The following LUZP2 variants were observed in gnomAD, a reference collection of about 807,000 sequenced individuals.
The protein encoded by LUZP2 is leucine zipper protein 2.
Under a neutral mutation model 51.6 loss-of-function variants are expected in LUZP2, and 52 were observed. That is an observed-to-expected ratio of 1.01 (90% CI 0.81 to 1.27). LUZP2 has a LOEUF of 1.27. Ranked by LOEUF, LUZP2 falls within the 50% of genes most tolerant of loss-of-function variation. The pLI is 0.00. For missense variants in LUZP2, 436 were observed against 395.4 expected (o/e 1.10, Z -0.87); for synonymous variants, 154 against 137.3 (o/e 1.12, Z -0.85).
intron 4 of LUZP2, among the ~76,000 whole-genome samples, chr11:24,739,883 G>A (rs1024444075): frequency 1.3e-5 from 2 of 152,028 alleles, no homozygotes; most frequent in Non-Finnish European, 2.9e-5. Context: ...GCTATGCCAC[G>A]GCAACTCTCA....
chr11:25,074,290 A>G (rs1859239172), intron 10 of LUZP2, among the ~76,000 whole-genome samples: 1 of 152,166 alleles, frequency 6.6e-6, no homozygotes, highest in South Asian at 2.1e-4. Context: ...TCAGTATAGT[A>G]ATGTGGCCTT....
Position 24,968,445 on chromosome 11 carries a change from A to G in LUZP2, c.523-8146A>G, listed in dbSNP as rs1313646712. 2.0e-5 allele frequency among the ~76,000 whole-genome samples: 3 copies of G among 152,168 alleles called. No homozygotes were observed. In the East Asian group the frequency reaches 5.8e-4, roughly 29 times the overall value. ...GCCAACAACTCTTTAGTGCTTAGCT[A>G]TTAATCTAAAGACTGCTGTTTTGAT... On this transcript the variant is annotated intron_variant, in intron 7 of 11. Transcript: ENST00000336930.
At chr11:24,551,767 C>A (rs1851731211) in intron 1 of LUZP2, among the ~76,000 whole-genome samples, 1 of 151,866 alleles carries the variant, frequency 6.6e-6, no homozygotes, top group African/African-American at 2.4e-5. Context: ...ATAGTAACAA[C>A]AAAATAGGCT....
chr11:24,563,088 T>A (rs988562933), intron 1 of LUZP2, among the ~76,000 whole-genome samples: 2 of 152,142 alleles, frequency 1.3e-5, no homozygotes, highest in Non-Finnish European at 2.9e-5. Flanking sequence ...AAAAGTGAAA[T>A]GTGATGAAAC....
chr11:25,043,987 T>C (rs371179603), intron 9 of LUZP2, among the ~76,000 whole-genome samples: 25 of 18,634 alleles, frequency 1.3e-3, no homozygotes, highest in African/African-American at 5.0e-3. Context: ...ATATATATAG[T>C]CTACATATAT....
chr11:24,902,515 A>G (rs1853312432), intron 5 of LUZP2, among the ~76,000 whole-genome samples: 1 of 152,178 alleles, frequency 6.6e-6, no homozygotes, highest in Non-Finnish European at 1.5e-5. Flanking sequence ...GGTTCTATGG[A>G]ACATCTTTAT....
chr11:24,582,278 G>A (rs1290874914), intron 1 of LUZP2, among the ~76,000 whole-genome samples: 2 of 147,824 alleles, frequency 1.4e-5, no homozygotes, highest in African/African-American at 5.0e-5. Flanking sequence ...AAGGAGTGTG[G>A]CTCTCTGTAA....
At chr11:24,830,843 A>C (rs936470717) in intron 5 of LUZP2, among the ~76,000 whole-genome samples, 2 of 151,750 alleles carry the variant, frequency 1.3e-5, no homozygotes, top group Non-Finnish European at 2.9e-5. Context: ...AAATACAAAA[A>C]ATTAGCCGGG....
At chr11:24,818,965 A>G (rs1564935720) in intron 5 of LUZP2, among the ~76,000 whole-genome samples, 1 of 152,136 alleles carries the variant, frequency 6.6e-6, no homozygotes, top group Admixed American at 6.6e-5. Flanking sequence ...TTTTGAATAC[A>G]TTAAACAGGA....
At chr11:24,519,883 A>G (rs1034839834) in intron 1 of LUZP2, among the ~76,000 whole-genome samples, 1 of 152,226 alleles carries the variant, frequency 6.6e-6, no homozygotes, top group Non-Finnish European at 1.5e-5. Flanking sequence ...ATCTTTAGAC[A>G]TGAAGATACT....
intron 1 of LUZP2, among the ~76,000 whole-genome samples, chr11:24,656,467 G>T (rs1034959432): frequency 2.4e-4 from 36 of 152,110 alleles, no homozygotes; most frequent in Non-Finnish European, 2.9e-5. Context: ...CACAAACTTA[G>T]TGTCTTAAAA....
intron 7 of LUZP2, among the ~76,000 whole-genome samples, chr11:24,971,413 C>A (rs900417745): frequency 2.6e-5 from 4 of 152,054 alleles, no homozygotes; most frequent in African/African-American, 4.8e-5. Flanking sequence ...TTACCTCCTG[C>A]TGTGCTGCCC....
intron 5 of LUZP2, among the ~76,000 whole-genome samples, chr11:24,766,822 C>A (rs544205137): frequency 6.6e-6 from 1 of 152,152 alleles, no homozygotes; most frequent in South Asian, 2.1e-4. Flanking sequence ...AGGGCAGTGG[C>A]GCGATCTCAG....
chr11:24,550,710 T>C (rs900222020), intron 1 of LUZP2, among the ~76,000 whole-genome samples: 1 of 152,122 alleles, frequency 6.6e-6, no homozygotes, highest in African/African-American at 2.4e-5. Context: ...ACACTCTTTT[T>C]CTTGTTGTCT....
At chr11:24,753,857 C>T (rs750159993) in intron 4 of LUZP2, among the ~76,000 whole-genome samples, 9 of 152,062 alleles carry the variant, frequency 5.9e-5, no homozygotes, top group Non-Finnish European at 1.0e-4. Context: ...GACAATGCCA[C>T]GGATGGGTTT....
chr11:25,076,354 C>T (rs1446225793), intron 10 of LUZP2, among the ~76,000 whole-genome samples: 1 of 152,084 alleles, frequency 6.6e-6, no homozygotes, highest in African/African-American at 2.4e-5. Flanking sequence ...CTAATGTTCA[C>T]AAATGATTAA....
intron 1 of LUZP2, among the ~76,000 whole-genome samples, chr11:24,603,560 A>C (rs956112105): frequency 6.6e-6 from 1 of 151,858 alleles, no homozygotes; most frequent in Non-Finnish European, 1.5e-5. Context: ...TTCCAAAAAA[A>C]TATTTTATAA....
chr11:24,692,389 GA>G (rs1363946160), intron 1 of LUZP2, among the ~76,000 whole-genome samples: 3 of 152,028 alleles, frequency 2.0e-5, no homozygotes, highest in African/African-American at 7.2e-5. Flanking sequence ...TAAAAACAAG[GA>G]AAGTAGTAAA....
At chr11:25,073,781 G>C (rs1164679400) in intron 10 of LUZP2, among the ~76,000 whole-genome samples, 1 of 151,942 alleles carries the variant, frequency 6.6e-6, no homozygotes, top group Non-Finnish European at 1.5e-5. Context: ...AGTGTCAACT[G>C]ATCATAAATA....
Sources: allele counts gnomAD v4.1 joint callset (sites outside exome capture counted in the v4.1 genomes callset), GRCh38; gene constraint gnomAD v4.1.1; transcripts MANE v1.5; gene names NCBI Gene and HGNC (gene_info 2026-07-23, HGNC 2026-07-21).